ARL15: variants seen among roughly 807,000 people sequenced by gnomAD.
ARL15 encodes the protein ARF like GTPase 15.
A neutral mutation model predicts 25.2 loss-of-function variants in ARL15; 19 were observed. The ratio of observed to expected loss-of-function variants is 0.75; its 90% CI spans 0.53 to 1.10. The LOEUF is 1.10. Among genes scored for constraint, ARL15 ranks in the 50% least tolerant of loss-of-function variants. ARL15 has a pLI of 0.00. For missense variants in ARL15, 220 were observed against 246.0 expected (o/e 0.89, Z 0.71); for synonymous variants, 94 against 86.8 (o/e 1.08, Z -0.46).
chr5:54,000,392 TCAC>T (rs1561183293), intron 4 of ARL15, among the ~76,000 whole-genome samples: 1 of 152,172 alleles, frequency 6.6e-6, no homozygotes, highest in African/African-American at 2.4e-5. Context: ...GGATAGACTC[TCAC>T]CACAACTAGG....
At chr5:53,901,553 T>C (rs1291537487) in intron 4 of ARL15, among the ~76,000 whole-genome samples, 2 of 151,398 alleles carry the variant, frequency 1.3e-5, no homozygotes, top group Non-Finnish European at 2.9e-5. Flanking sequence ...TACACACGAG[T>C]AAAATGTTGT....
chr5:53,926,394 A>G (rs1457562185), intron 4 of ARL15, among the ~76,000 whole-genome samples: 2 of 133,614 alleles, frequency 1.5e-5, no homozygotes, highest in Non-Finnish European at 3.1e-5. Context: ...CATGGAGAAC[A>G]TGCAGCCACG....
chr5:54,208,938 T>C (rs1561267487), intron 1 of ARL15, among the ~76,000 whole-genome samples: 1 of 152,060 alleles, frequency 6.6e-6, no homozygotes, highest in East Asian at 1.9e-4. Context: ...TTTGAAATTA[T>C]GAAGAGGAGA....
rs142398275 is a variant in ARL15 at position 54,151,211 on chromosome 5, A to G, written c.253+3369T>C. Among the ~76,000 whole-genome samples the G allele has an allele frequency of 1.5e-3, 227 of 152,306 alleles. 1 individual carries two copies. The highest frequency in any genetic ancestry group is 5.4e-3 in the African/African-American group (223 of 41,562). The stretch of plus-strand genomic sequence containing the variant: ...CCAATTTCACAAAAAGATAGGCATA[A>G]TCACTGCAGCCTGGAGGGTGTGACA... On this transcript the variant is annotated intron_variant, in intron 3 of 4. Coordinates refer to ENST00000504924, the MANE Select transcript of ARL15 (RefSeq NM_019087.3).
intron 1 of ARL15, among the ~76,000 whole-genome samples, chr5:54,213,688 A>C (rs1432718974): frequency 6.6e-6 from 1 of 152,234 alleles, no homozygotes; most frequent in Non-Finnish European, 1.5e-5. Context: ...GAAGTCTTCC[A>C]GTTTTATATC....
chr5:54,164,594 C>A (rs962656336), intron 2 of ARL15, among the ~76,000 whole-genome samples: 3 of 151,948 alleles, frequency 2.0e-5, no homozygotes, highest in African/African-American at 7.2e-5. Flanking sequence ...ATAAATGATC[C>A]CTTCATCATT....
intron 4 of ARL15, among the ~76,000 whole-genome samples, chr5:54,024,459 A>C (rs1396819145): frequency 6.6e-6 from 1 of 152,214 alleles, no homozygotes; most frequent in Admixed American, 6.5e-5. Flanking sequence ...GTATTGTATA[A>C]AAACTTAGTA....
At chr5:54,247,837 C>T (rs1376192160) in intron 1 of ARL15, among the ~76,000 whole-genome samples, 2 of 151,742 alleles carry the variant, frequency 1.3e-5, no homozygotes, top group Non-Finnish European at 2.9e-5. Context: ...ATGAAAACCT[C>T]AAATCACAGA....
At chr5:54,269,730 C>T (rs530442085) in intron 1 of ARL15, among the ~76,000 whole-genome samples, 117 of 152,300 alleles carry the variant, frequency 7.7e-4, no homozygotes, top group African/African-American at 2.6e-3. Flanking sequence ...ACTGCAACCT[C>T]CACCTCCCAG....
chr5:54,030,256 T>C (rs1278879087), intron 4 of ARL15, among the ~76,000 whole-genome samples: 1 of 152,140 alleles, frequency 6.6e-6, no homozygotes, highest in Non-Finnish European at 1.5e-5. Flanking sequence ...GCAGCAGTTA[T>C]GTATAAGACA....
In ARL15 at chr5:54,223,933, A is replaced by C. The variant is rs114939120; in HGVS notation, c.49-52005T>G. Among the ~76,000 whole-genome samples, 839 of 152,248 alleles carry C rather than the reference A, an allele frequency of 5.5e-3. 8 individuals carry two copies. Among genetic ancestry groups the C allele is most frequent in the African/African-American group, 0.02 (818 of 41,534 alleles). Reference sequence around the variant, plus strand: ...TATAAGAATGCTGTGGCACTTGAGCAGCACCTTGAATGTTGGCTGCATTCA... The same window carrying C: ...TATAAGAATGCTGTGGCACTTGAGCCGCACCTTGAATGTTGGCTGCATTCA... On this transcript the variant is annotated intron_variant, in intron 1 of 4. Coordinates refer to ENST00000504924, the MANE Select transcript of ARL15 (RefSeq NM_019087.3).
intron 3 of ARL15, among the ~76,000 whole-genome samples, chr5:54,124,479 T>A (rs1753184336): frequency 6.6e-6 from 1 of 152,190 alleles, no homozygotes; most frequent in South Asian, 2.1e-4. Context: ...AAAAACACAT[T>A]ATCTACCACA....
At chr5:54,210,246 C>T (rs557289021) in intron 1 of ARL15, among the ~76,000 whole-genome samples, 2 of 152,238 alleles carry the variant, frequency 1.3e-5, no homozygotes, top group East Asian at 1.9e-4. Context: ...ACACAGGCAT[C>T]ATTACCATAA....
At chr5:53,987,246 G>C (rs1017422600) in intron 4 of ARL15, among the ~76,000 whole-genome samples, 2 of 147,862 alleles carry the variant, frequency 1.4e-5, no homozygotes, top group African/African-American at 4.9e-5. Context: ...TGTAAATGTA[G>C]AAATGAATAT....
chr5:54,269,085 G>A (rs1254269247), intron 1 of ARL15, among the ~76,000 whole-genome samples: 2 of 151,992 alleles, frequency 1.3e-5, no homozygotes. Context: ...GTAGGGGTGG[G>A]GGGTAGGGAT....
chr5:54,109,853 C>T (rs1752690632), intron 4 of ARL15, among the ~76,000 whole-genome samples: 1 of 151,892 alleles, frequency 6.6e-6, no homozygotes, highest in Admixed American at 6.6e-5. Flanking sequence ...AAAGTGAATA[C>T]AACAAACATC....
At chr5:54,133,074 C>T (rs16882281) in intron 3 of ARL15, among the ~76,000 whole-genome samples, 3,361 of 152,204 alleles carry the variant, frequency 0.022, 114 homozygotes, top group African/African-American at 0.077. Context: ...AAGAGCCTTA[C>T]GATGTTTTAA....
chr5:53,998,205 GC>G lies in ARL15; in HGVS notation c.463-111493del, dbSNP rs34939484. 8.6e-3 allele frequency among the ~76,000 whole-genome samples: 1,302 copies of G among 150,572 alleles called. 37 individuals are homozygous for G. The East Asian group carries it at 0.093, about 11-fold the overall frequency. ...ACCAGATTTTTGTGAGGGGGACTGA[GC>G]CCTATTTCTCTCGCTTTTCCCATCT... On this transcript the variant is annotated intron_variant, in intron 4 of 4. Coordinates refer to ENST00000504924, the MANE Select transcript of ARL15 (RefSeq NM_019087.3).
chr5:54,240,396 G>A (rs1756928888), intron 1 of ARL15, among the ~76,000 whole-genome samples: 1 of 152,038 alleles, frequency 6.6e-6, no homozygotes, highest in Non-Finnish European at 1.5e-5. Flanking sequence ...TGCAGGTAGA[G>A]TGGGGACACT....
Sources: gnomAD v4.1 joint callset for allele counts (sites outside exome capture counted in the v4.1 genomes callset) on GRCh38, gnomAD v4.1.1 for gene constraint, MANE v1.5 for transcripts, NCBI Gene and HGNC (gene_info 2026-07-23, HGNC 2026-07-21) for gene names.